The following NTN4 variants were observed in gnomAD, a reference collection of about 807,000 sequenced individuals.
NTN4 encodes netrin 4, also known as netrin-4.
Under a neutral mutation model 73.6 loss-of-function variants are expected in NTN4, and 32 were observed. The ratio of observed to expected loss-of-function variants is 0.44; its 90% CI spans 0.33 to 0.58. The LOEUF is 0.58. Among genes scored for constraint, NTN4 ranks in the 20% least tolerant of loss-of-function variants. The pLI is 0.04. For synonymous variants in NTN4, 258 were observed against 287.5 expected (o/e 0.90, Z 1.04); for missense variants, 654 against 798.3 (o/e 0.82, Z 2.18).
Position 95,790,050 on chromosome 12 carries a change from C to A in NTN4, c.55+205G>T, listed in dbSNP as rs2079196709. 6.6e-6 allele frequency: 3 copies of A among 456,168 alleles called. No homozygotes were observed. Among genetic ancestry groups the A allele is most frequent in the African/African-American group, 2.0e-5 (1 of 48,860 alleles). The allele number at this position is 456,168 out of a possible 1,614,324, so 28.3% of individuals were successfully genotyped here. ...CCCAGGATAGCTGGTTATCCAAGCG[C>A]ATGTGTATCCCAGTTGTAAAAATAA... On this transcript the variant is annotated intron_variant, in intron 1 of 9. Transcript: ENST00000343702. The surrounding 1 kb of genome is among the most constrained non-coding windows in gnomAD (Gnocchi z 6.5).
intron 7 of NTN4, chr12:95,672,920 T>C (rs1161398778): frequency 3.4e-6 from 4 of 1,186,092 alleles, no homozygotes; most frequent in Non-Finnish European, 3.8e-6. Context: ...GAGGCTATCA[T>C]GGAGCTGAAC....
intron 2 of NTN4, among the ~76,000 whole-genome samples, chr12:95,769,053 G>T (rs2079038468): frequency 6.6e-6 from 1 of 152,230 alleles, no homozygotes; most frequent in African/African-American, 2.4e-5. Context: ...AGGGAGAAGA[G>T]AGAAGCTTTG....
At chr12:95,741,301 T>A (rs1015359200) in intron 2 of NTN4, among the ~76,000 whole-genome samples, 1 of 147,114 alleles carries the variant, frequency 6.8e-6, no homozygotes, top group Middle Eastern at 3.3e-3. Flanking sequence ...ATAAATGAAT[T>A]ATATATGATA....
chr12:95,678,239 C>A (rs182603312), intron 7 of NTN4, among the ~76,000 whole-genome samples: 1 of 149,198 alleles, frequency 6.7e-6, no homozygotes, highest in Non-Finnish European at 1.5e-5. Context: ...CTAATGCGTG[C>A]AGGGCTTAAA....
chr12:95,747,040 G>A (rs1205690811), intron 2 of NTN4, among the ~76,000 whole-genome samples: 1 of 152,074 alleles, frequency 6.6e-6, no homozygotes, highest in Non-Finnish European at 1.5e-5. Context: ...TTATAAAACT[G>A]TACATAAACT....
At position 95,790,334 on chromosome 12, in the gene NTN4, G is replaced by C. The variant is rs542431196; in HGVS notation, c.-25C>G. On this transcript the variant is annotated 5_prime_UTR_variant, in exon 1 of 10. Coordinates refer to ENST00000343702, the MANE Select transcript of NTN4 (RefSeq NM_021229.4). The surrounding 1 kb of genome is among the most constrained non-coding windows in gnomAD (Gnocchi z 6.5). Reference sequence around the variant, plus strand: ...TGGCCGGGAGGAGCCGGGAGCAGCCGGGCCGGGCGGGTGCCGGAGGGAGCC... The same window carrying C: ...TGGCCGGGAGGAGCCGGGAGCAGCCCGGCCGGGCGGGTGCCGGAGGGAGCC... 5.1e-4 allele frequency: 773 copies of C among 1,519,566 alleles called. No homozygotes were observed. Among genetic ancestry groups the C allele is most frequent in the Middle Eastern group, 1.8e-3 (8 of 4,368 alleles). 94.1% of individuals were successfully genotyped at this position (1,519,566 alleles called of 1,614,324 possible). A position where few individuals can be genotyped will look rare whatever the true frequency, so the allele number is the denominator to read the frequency against.
At chr12:95,713,430 T>G in intron 3 of NTN4, 92 bp from the exon 4 acceptor site, 3 of 1,404,368 alleles carry the variant, frequency 2.1e-6, no homozygotes, top group Non-Finnish European at 2.9e-6. Context: ...TGGATTGGCT[T>G]TAGTCATAAG....
chr12:95,760,427 T>C (rs1287638331), intron 2 of NTN4, among the ~76,000 whole-genome samples: 1 of 152,194 alleles, frequency 6.6e-6, no homozygotes, highest in Admixed American at 6.5e-5. Flanking sequence ...ATCTCTGGAC[T>C]TCTCTTATGT....
intron 3 of NTN4, among the ~76,000 whole-genome samples, chr12:95,725,016 T>TTTTTTTTTTC (rs2078681708): frequency 6.6e-6 from 1 of 151,600 alleles, no homozygotes; most frequent in Admixed American, 6.6e-5. Flanking sequence ...ATTTTTTTTT[T>TTTTTTTTTTC]TTTTTTGCTT....
intron 3 of NTN4, among the ~76,000 whole-genome samples, chr12:95,716,549 C>CT (rs1379040761): frequency 1.3e-5 from 2 of 152,000 alleles, no homozygotes; most frequent in African/African-American, 4.8e-5. Context: ...CTTTTCTTCT[C>CT]TTTTTTTAAA....
chr12:95,777,335 C>A (rs1042514711), intron 2 of NTN4, among the ~76,000 whole-genome samples: 1 of 152,120 alleles, frequency 6.6e-6, no homozygotes, highest in Admixed American at 6.5e-5. Context: ...TGTAAATGGG[C>A]TAAATGCTCC....
intron 2 of NTN4, among the ~76,000 whole-genome samples, chr12:95,766,245 C>T (rs2079020747): frequency 6.6e-6 from 1 of 152,200 alleles, no homozygotes; most frequent in African/African-American, 2.4e-5. Flanking sequence ...GCTGAAGACT[C>T]AGTGATCTTG....
At chr12:95,743,072 TTCTTAAGAAAATGGA>T (rs112549197) in intron 2 of NTN4, among the ~76,000 whole-genome samples, 24 of 152,346 alleles carry the variant, frequency 1.6e-4, no homozygotes, top group African/African-American at 5.5e-4. Context: ...ATCTTTCATA[TTCTTAAGAAAATGGA>T]TCAGGCAGGT....
chr12:95,761,167 A>G (rs2121245194), intron 2 of NTN4, among the ~76,000 whole-genome samples: 1 of 152,260 alleles, frequency 6.6e-6, no homozygotes, highest in South Asian at 2.1e-4. Flanking sequence ...TTAGACTTTC[A>G]TTTTGGTCCT....
At chr12:95,722,026 G>A (rs1238369061) in intron 3 of NTN4, among the ~76,000 whole-genome samples, 1 of 151,032 alleles carries the variant, frequency 6.6e-6, no homozygotes, top group Non-Finnish European at 1.5e-5. Context: ...TACACGGTGG[G>A]CACTGATTCC....
chr12:95,700,791 C>T, intron 5 of NTN4, among the ~76,000 whole-genome samples: 1 of 149,684 alleles, frequency 6.7e-6, no homozygotes, highest in African/African-American at 2.5e-5. Flanking sequence ...CTTTTCTTCC[C>T]TTTCTTTTTT....
rs193237012 is a variant in NTN4 at position 95,737,702 on chromosome 12, T to C, written c.864+164A>G. Among the ~76,000 whole-genome samples the C allele has an allele frequency of 5.9e-5, 9 of 152,318 alleles. No individual in the cohort carries two copies. The East Asian group carries it at 1.7e-3, about 29-fold the overall frequency. ...TGACTACAACTCTAAAACTGAAGATTAAAAGACAAGTTAACAGGCACTTTA... is the reference window on the plus strand; with the variant it reads ...TGACTACAACTCTAAAACTGAAGATCAAAAGACAAGTTAACAGGCACTTTA... On this transcript the variant is annotated intron_variant, in intron 3 of 9. Coordinates refer to ENST00000343702, the MANE Select transcript of NTN4 (RefSeq NM_021229.4).
At chr12:95,772,544 C>T (rs2079064892) in intron 2 of NTN4, among the ~76,000 whole-genome samples, 1 of 152,176 alleles carries the variant, frequency 6.6e-6, no homozygotes, top group Non-Finnish European at 1.5e-5. Flanking sequence ...TGGCCTCCTA[C>T]GTATCTCCAT....
chr12:95,746,532 A>C (rs1194034421), intron 2 of NTN4, among the ~76,000 whole-genome samples: 1 of 152,128 alleles, frequency 6.6e-6, no homozygotes, highest in Non-Finnish European at 1.5e-5. Context: ...CGTTTTCTCT[A>C]ACTCGCTCAG....
Sources: allele counts gnomAD v4.1 joint callset (sites outside exome capture counted in the v4.1 genomes callset), GRCh38; gene constraint gnomAD v4.1.1; non-coding constraint Gnocchi (gnomAD v3.1); transcripts MANE v1.5; gene names NCBI Gene and HGNC (gene_info 2026-07-23, HGNC 2026-07-21).